The following NEDD4 variants were observed in gnomAD, a reference collection of about 807,000 sequenced individuals.
NEDD4 encodes NEDD4 E3 ubiquitin protein ligase.
In NEDD4, 99 loss-of-function variants were observed where a neutral mutation model predicts 144.9. That is an observed-to-expected ratio of 0.68 (90% CI 0.58 to 0.81). The LOEUF is 0.81. Among genes scored for constraint, NEDD4 ranks in the 30% least tolerant of loss-of-function variants. NEDD4 has a pLI of 0.00. For synonymous variants in NEDD4, 318 were observed against 350.6 expected, an observed-to-expected ratio of 0.91 and a Z score of 1.04; for missense variants, 985 against 1,065.9, an observed-to-expected ratio of 0.92 and a Z score of 1.06.
chr15:55,924,451 G>T, intron 5 of NEDD4, 195 bp downstream of exon 5: 1 of 557,678 alleles, frequency 1.8e-6, no homozygotes. Context: ...AGAGGTGCTT[G>T]GGAGGAGAAT....
At chr15:55,839,134 T>A (rs1400747601) in intron 21 of NEDD4, among the ~76,000 whole-genome samples, 2 of 151,858 alleles carry the variant, frequency 1.3e-5, no homozygotes, top group African/African-American at 4.8e-5. Context: ...ACTCAAGTGA[T>A]CCTCCTACCT....
intron 2 of NEDD4, among the ~76,000 whole-genome samples, chr15:55,955,814 A>T (rs1365837502): frequency 2.0e-4 from 26 of 130,260 alleles, no homozygotes; most frequent in South Asian, 5.2e-4. Flanking sequence ...TCTATACTAC[A>T]TTTTTTTTTT....
chr15:55,903,688 G>T (rs2035985061), intron 5 of NEDD4, among the ~76,000 whole-genome samples: 1 of 151,638 alleles, frequency 6.6e-6, no homozygotes, highest in African/African-American at 2.4e-5. Flanking sequence ...AGCTGGGCGT[G>T]GTGGCAGGTG....
chr15:55,935,591 T>A (rs1376730748), intron 4 of NEDD4, among the ~76,000 whole-genome samples: 1 of 152,110 alleles, frequency 6.6e-6, no homozygotes, highest in African/African-American at 2.4e-5. Flanking sequence ...CTCATGCCTG[T>A]AATCCTAGCA....
intron 5 of NEDD4, among the ~76,000 whole-genome samples, chr15:55,921,274 G>A (rs946044010): frequency 6.6e-6 from 1 of 152,072 alleles, no homozygotes; most frequent in Non-Finnish European, 1.5e-5. Flanking sequence ...CCAAAAGAAA[G>A]GCAGGATTAT....
At chr15:55,881,718 C>A (rs538595315) in intron 5 of NEDD4, among the ~76,000 whole-genome samples, 3 of 152,102 alleles carry the variant, frequency 2.0e-5, no homozygotes, top group South Asian at 4.2e-4. Context: ...CACTGAACAT[C>A]TGTATGTTTG....
chr15:55,988,803 T>C (rs574820187), intron 1 of NEDD4, among the ~76,000 whole-genome samples: 176 of 152,248 alleles, frequency 1.2e-3, no homozygotes, highest in Non-Finnish European at 2.0e-3. Flanking sequence ...TCTCAAGTGG[T>C]TCAGAAAAAG....
chr15:55,857,884 G>T (rs779849426), intron 11 of NEDD4, among the ~76,000 whole-genome samples: 11 of 152,038 alleles, frequency 7.2e-5, no homozygotes, highest in Non-Finnish European at 1.3e-4. Context: ...AGGTTGCAGT[G>T]GGCTATGATC....
chr15:55,835,822 T>C (rs1566897394), intron 24 of NEDD4, among the ~76,000 whole-genome samples: 1 of 152,212 alleles, frequency 6.6e-6, no homozygotes, highest in Non-Finnish European at 1.5e-5. Flanking sequence ...CTCCTCTAAC[T>C]TGCTCTACAT....
chr15:55,935,587 C>T (rs570452666), intron 4 of NEDD4, among the ~76,000 whole-genome samples: 23 of 152,158 alleles, frequency 1.5e-4, no homozygotes, highest in African/African-American at 5.5e-4. Context: ...GTGGCTCATG[C>T]CTGTAATCCT....
chr15:55,836,978 G>T (rs2033234553), intron 24 of NEDD4, among the ~76,000 whole-genome samples: 2 of 152,130 alleles, frequency 1.3e-5, no homozygotes. Context: ...TTTAACAGAA[G>T]ATTGTAAGTT....
At position 55,902,565 on chromosome 15, in the gene NEDD4, G is replaced by A. The variant is rs189697997; in HGVS notation, c.291+22081C>T. Among the ~76,000 whole-genome samples the A allele has an allele frequency of 1.8e-3, 274 of 152,236 alleles. 4 individuals carry two copies. The South Asian group carries it at 0.023, about 13-fold the overall frequency. ...ACAAAATGTTGATATATTTTAGAAC[G>A]GGATGAGGCATACATAGGGGTTCAC... is the stretch of plus-strand genomic sequence containing the variant. On this transcript the variant is annotated intron_variant, in intron 5 of 28. Coordinates refer to ENST00000435532, the MANE Select transcript of NEDD4 (RefSeq NM_006154.4).
chr15:55,975,915 T>C (rs1163686580), intron 1 of NEDD4, among the ~76,000 whole-genome samples: 2 of 152,152 alleles, frequency 1.3e-5, no homozygotes, highest in Non-Finnish European at 2.9e-5. Flanking sequence ...CAACATGGTA[T>C]TGGCATAAAA....
At chr15:55,882,395 T>A (rs1421192175) in intron 5 of NEDD4, among the ~76,000 whole-genome samples, 1 of 152,228 alleles carries the variant, frequency 6.6e-6, no homozygotes, top group Non-Finnish European at 1.5e-5. Flanking sequence ...GGACTTTGCA[T>A]TGGAACTCAG....
At chr15:55,920,379 G>A (rs2036547051) in intron 5 of NEDD4, among the ~76,000 whole-genome samples, 1 of 152,058 alleles carries the variant, frequency 6.6e-6, no homozygotes, top group African/African-American at 2.4e-5. Context: ...GGCTGAATGT[G>A]TACAGGTGTA....
In NEDD4 at chr15:55,915,432, G is replaced by A. The variant is rs769928568; in HGVS notation, c.291+9214C>T. The A allele has an allele frequency of 5.0e-6, 8 of 1,613,678 alleles. No homozygotes were observed. The Middle Eastern group carries it at 8.2e-4, about 166-fold the overall frequency. On this transcript the variant is annotated intron_variant, in intron 5 of 28. Coordinates refer to ENST00000435532, the MANE Select transcript of NEDD4 (RefSeq NM_006154.4). Reference sequence around the variant, plus strand: ...ATTGTGCTTAAGGCTGGATAGACAGGAAATATTTGGATAAGCTCCTCCCAA... The same window carrying A: ...ATTGTGCTTAAGGCTGGATAGACAGAAAATATTTGGATAAGCTCCTCCCAA...
intron 1 of NEDD4, chr15:55,992,114 T>G (rs1294368878): frequency 1.3e-5 from 2 of 152,230 alleles, no homozygotes; most frequent in Non-Finnish European, 2.9e-5. Context: ...GAAATCTGAC[T>G]GATAAGAAAG....
At chr15:55,962,284 C>T (rs2037439576) in intron 2 of NEDD4, among the ~76,000 whole-genome samples, 3 of 152,134 alleles carry the variant, frequency 2.0e-5, no homozygotes, top group South Asian at 2.1e-4. Flanking sequence ...AAGTGCATCA[C>T]GTAGGACAGT....
At chr15:55,927,077 C>CAAAAAAAAAAAAAAAAAAAAA (rs57940091) in intron 4 of NEDD4, among the ~76,000 whole-genome samples, 14 of 70,648 alleles carry the variant, frequency 2.0e-4, no homozygotes, top group Non-Finnish European at 2.4e-4. Flanking sequence ...GACTACGTCT[C>CAAAAAAAAAAAAAAAAAAAAA]AAAAAAAAAA....
Sources: gnomAD v4.1 joint callset for allele counts (sites outside exome capture counted in the v4.1 genomes callset) on GRCh38, gnomAD v4.1.1 for gene constraint, MANE v1.5 for transcripts, NCBI Gene and HGNC (gene_info 2026-07-23, HGNC 2026-07-21) for gene names.